The following NTNG1 variants were observed in gnomAD, a reference collection of about 807,000 sequenced individuals.
The protein encoded by NTNG1 is netrin-G1.
A neutral mutation model predicts 54.0 loss-of-function variants in NTNG1; 16 were observed. The ratio of observed to expected loss-of-function variants is 0.30; its 90% confidence interval spans 0.20 to 0.45. The LOEUF (loss-of-function observed/expected upper bound fraction) is 0.45, where lower values mean the gene tolerates loss of function less well. Ranked by LOEUF, NTNG1 falls within the 20% of genes least tolerant of loss-of-function variation. The pLI, the probability that NTNG1 is intolerant of heterozygous loss-of-function variation, is 1.00. For missense variants in NTNG1, 530 were observed against 678.7 expected (o/e 0.78, Z 2.43); for synonymous variants, 255 against 263.1 (o/e 0.97, Z 0.30).
intron 2 of NTNG1, among the ~76,000 whole-genome samples, chr1:107,279,305 T>C (rs1190629748): frequency 6.6e-6 from 1 of 152,222 alleles, no homozygotes; most frequent in African/African-American, 2.4e-5. Context: ...ATGGAATGTA[T>C]GTTTATCATA....
chr1:107,283,274 A>G (rs899169380), intron 2 of NTNG1, among the ~76,000 whole-genome samples: 2 of 152,088 alleles, frequency 1.3e-5, no homozygotes, highest in African/African-American at 2.4e-5. Flanking sequence ...TAGAATCTCT[A>G]ACCTTTTTCA....
rs190140113 is a variant in NTNG1, at chr1:107,285,208, T to C, written c.247-39074T>C. 3.0e-4 allele frequency among the ~76,000 whole-genome samples: 46 copies of C among 152,248 alleles called. No homozygotes were observed. The East Asian group carries it at 8.7e-3, about 29-fold the overall frequency. The stretch of plus-strand genomic sequence containing the variant: ...AATGTCACTCCTTTCTAGAGAATTA[T>C]GCTCTATAATTTGAGAATACAAGAA... On this transcript the variant is annotated intron_variant, in intron 2 of 7. Coordinates refer to ENST00000370068, the MANE Select transcript of NTNG1 (RefSeq NM_001113226.3).
intron 3 of NTNG1, among the ~76,000 whole-genome samples, chr1:107,384,937 G>T (rs1423627609): frequency 6.6e-6 from 1 of 152,104 alleles, no homozygotes; most frequent in Non-Finnish European, 1.5e-5. Context: ...GCTTAGCAGG[G>T]ATAACTACTG....
intron 2 of NTNG1, among the ~76,000 whole-genome samples, chr1:107,267,118 T>C (rs890425213): frequency 3.9e-5 from 6 of 152,194 alleles, no homozygotes; most frequent in African/African-American, 1.4e-4. Flanking sequence ...AGTTGTGCAT[T>C]GGGAGACGTG....
chr1:107,482,611 A>G lies in NTNG1; in HGVS notation c.*1771A>G, dbSNP rs1419913657. 1 of 152,282 alleles carries G rather than the reference A, an allele frequency of 6.6e-6. No individual in the cohort carries two copies. Among genetic ancestry groups the G allele is most frequent in the African/African-American group, 2.4e-5 (1 of 41,454 alleles). 9.4% of individuals were successfully genotyped at this position (152,282 alleles called of 1,614,324 possible). A position where few individuals can be genotyped will look rare whatever the true frequency, so the allele number is the denominator to read the frequency against. On this transcript the variant is annotated 3_prime_UTR_variant, in exon 8 of 8. Coordinates refer to ENST00000370068, the MANE Select transcript of NTNG1 (RefSeq NM_001113226.3). Reference sequence around the variant, plus strand: ...GAATCAAAAACAATTATCAGCCCGAACCAGAGTCTTAAGGACAATGAAATT... The same window carrying G: ...GAATCAAAAACAATTATCAGCCCGAGCCAGAGTCTTAAGGACAATGAAATT...
intron 2 of NTNG1, among the ~76,000 whole-genome samples, chr1:107,240,570 G>A (rs1453988502): frequency 6.6e-6 from 1 of 152,166 alleles, no homozygotes; most frequent in African/African-American, 2.4e-5. Context: ...ATTTGATGTT[G>A]TAATATCAGT....
intron 2 of NTNG1, among the ~76,000 whole-genome samples, chr1:107,281,534 G>A (rs1033856136): frequency 2.6e-5 from 4 of 152,110 alleles, no homozygotes; most frequent in Non-Finnish European, 5.9e-5. Flanking sequence ...CATGTTGTTG[G>A]CACAGAACTG....
rs1166918514 is a variant in NTNG1, at chr1:107,480,915, T to G, written c.*75T>G. On this transcript the variant is annotated 3_prime_UTR_variant, in exon 8 of 8. Coordinates refer to ENST00000370068, the MANE Select transcript of NTNG1 (RefSeq NM_001113226.3). ...ACAACCCAAACATTTGCTACTAACA[T>G]AGGAAACACACACATACAGACACCC... 8.8e-7 allele frequency: 1 copy of G among 1,138,806 alleles called. No individual in the cohort carries two copies. The highest frequency in any genetic ancestry group is 1.4e-5 in the South Asian group (1 of 72,726). The allele number at this position is 1,138,806 out of a possible 1,614,324, so 70.5% of individuals were successfully genotyped here.
chr1:107,233,247 G>C (rs1230954123), intron 2 of NTNG1, among the ~76,000 whole-genome samples: 5 of 152,158 alleles, frequency 3.3e-5, no homozygotes, highest in African/African-American at 1.2e-4. Flanking sequence ...GACTTGGTCT[G>C]CTATTTTTAA....
Position 107,483,097 on chromosome 1 carries a change from A to C in NTNG1, c.*2257A>C, listed in dbSNP as rs1266796201. 6.6e-6 allele frequency: 1 copy of C among 152,224 alleles called. No individual in the cohort carries two copies. The highest frequency in any genetic ancestry group is 1.5e-5 in the Non-Finnish European group (1 of 68,034). 9.4% of individuals were successfully genotyped at this position (152,224 alleles called of 1,614,324 possible). On this transcript the variant is annotated 3_prime_UTR_variant, in exon 8 of 8. Transcript: ENST00000370068. ...CTGATAACATAGGGAGTTTGAGATT[A>C]TTTATAATGAGGTGGATTTCTGATA... is the stretch of plus-strand genomic sequence containing the variant.
At chr1:107,178,889 A>C (rs1656851840) in intron 2 of NTNG1, among the ~76,000 whole-genome samples, 1 of 152,210 alleles carries the variant, frequency 6.6e-6, no homozygotes, top group Non-Finnish European at 1.5e-5. Context: ...ATCTAGACTG[A>C]AGAATTAGCC....
chr1:107,301,180 A>AT (rs1666289998), intron 2 of NTNG1, among the ~76,000 whole-genome samples: 1 of 152,166 alleles, frequency 6.6e-6, no homozygotes, highest in East Asian at 1.9e-4. Context: ...ATCCTATGTA[A>AT]TGTTTAGATT....
chr1:107,480,348 T>C (rs1006410994), intron 7 of NTNG1, among the ~76,000 whole-genome samples: 2 of 152,154 alleles, frequency 1.3e-5, no homozygotes, highest in Non-Finnish European at 2.9e-5. Flanking sequence ...TTGTATTCTA[T>C]AGCCTGAAAT....
intron 2 of NTNG1, among the ~76,000 whole-genome samples, chr1:107,270,716 C>G (rs187220210): frequency 1.5e-5 from 2 of 133,692 alleles, no homozygotes; most frequent in Admixed American, 7.5e-5. Flanking sequence ...CCGCCCCCGC[C>G]CCCCCACCCC....
rs114309567 is a variant in NTNG1, at chr1:107,328,274, C to T, written c.887+3352C>T. Among the ~76,000 whole-genome samples the T allele has an allele frequency of 8.3e-4, 127 of 152,136 alleles. 1 individual carries two copies. Among genetic ancestry groups the T allele is most frequent in the Admixed American group, 4.3e-3 (65 of 15,268 alleles). Reference sequence around the variant, plus strand: ...GTGATTTTCTCCAGTGAATAACAGACGAGTGCAGTGTGCCAGTACCTTAAT... The same window carrying T: ...GTGATTTTCTCCAGTGAATAACAGATGAGTGCAGTGTGCCAGTACCTTAAT... On this transcript the variant is annotated intron_variant, in intron 3 of 7. Transcript: ENST00000370068.
chr1:107,159,065 C>T (rs190309681), intron 2 of NTNG1, among the ~76,000 whole-genome samples: 7 of 152,014 alleles, frequency 4.6e-5, no homozygotes, highest in Non-Finnish European at 8.8e-5. Context: ...TATTGTGGAC[C>T]GTCTGCATGC....
At chr1:107,379,917 C>T (rs763957133) in intron 3 of NTNG1, among the ~76,000 whole-genome samples, 4 of 152,178 alleles carry the variant, frequency 2.6e-5, no homozygotes, top group Admixed American at 6.5e-5. Flanking sequence ...ATGCTATTCT[C>T]AGAACTATCT....
intron 2 of NTNG1, among the ~76,000 whole-genome samples, chr1:107,265,963 C>T (rs1663710624): frequency 1.3e-5 from 2 of 152,282 alleles, no homozygotes; most frequent in Admixed American, 1.3e-4. Flanking sequence ...CTTCCATCTT[C>T]CTGCTCCTTG....
At chr1:107,218,698 TC>T (rs1175256891) in intron 2 of NTNG1, among the ~76,000 whole-genome samples, 1 of 152,222 alleles carries the variant, frequency 6.6e-6, no homozygotes, top group African/African-American at 2.4e-5. Context: ...AGACTATCTT[TC>T]CTTCATTTAT....
Sources: allele counts gnomAD v4.1 joint callset (sites outside exome capture counted in the v4.1 genomes callset), GRCh38; gene constraint gnomAD v4.1.1; transcripts MANE v1.5; gene names NCBI Gene and HGNC (gene_info 2026-07-23, HGNC 2026-07-21).